The following DIAPH3 variants were observed in gnomAD, a reference collection of about 807,000 sequenced individuals.
The protein encoded by DIAPH3 is protein diaphanous homolog 3.
A neutral mutation model predicts 144.3 loss-of-function variants in DIAPH3; 117 were observed. That is an observed-to-expected ratio of 0.81 (90% confidence interval 0.70 to 0.95). DIAPH3 has a LOEUF of 0.95. Among genes scored for constraint, DIAPH3 ranks in the 40% least tolerant of loss-of-function variants. DIAPH3 has a pLI of 0.00. For missense variants in DIAPH3, 1,421 were observed against 1,412.7 expected (o/e 1.01, Z -0.09); for synonymous variants, 519 against 488.9 (o/e 1.06, Z -0.81).
In DIAPH3 at chr13:59,931,856, T is replaced by A. The variant is rs144366642; in HGVS notation, c.2075-6986A>T. ...GTTCAGTTACAGAAGCTCTTGTATA[T>A]CCACATTAGTCATGTACAAGAGGCA... On this transcript the variant is annotated intron_variant, in intron 17 of 27. Transcript: ENST00000400324. Among the ~76,000 whole-genome samples, 544 of 152,298 alleles carry A rather than the reference T, an allele frequency of 3.6e-3. 4 individuals carry two copies. Among genetic ancestry groups the A allele is most frequent in the African/African-American group, 0.013 (528 of 41,556 alleles).
chr13:59,804,837 G>C (rs1770991591), intron 25 of DIAPH3, among the ~76,000 whole-genome samples: 1 of 152,074 alleles, frequency 6.6e-6, no homozygotes, highest in Non-Finnish European at 1.5e-5. Context: ...TAGAAGACAG[G>C]GTAATTGTTA....
chr13:59,962,731 C>T (rs1474468900), intron 17 of DIAPH3, among the ~76,000 whole-genome samples: 1 of 152,008 alleles, frequency 6.6e-6, no homozygotes. Context: ...AACACATTTA[C>T]ACTCCAGCAT....
At chr13:59,894,155 G>C (rs1171305194) in intron 20 of DIAPH3, among the ~76,000 whole-genome samples, 1 of 151,976 alleles carries the variant, frequency 6.6e-6, no homozygotes, top group African/African-American at 2.4e-5. Context: ...CTGCCCTTCA[G>C]TAATAAAGTA....
chr13:59,825,000 C>T (rs1231882541), intron 24 of DIAPH3, among the ~76,000 whole-genome samples: 2 of 150,602 alleles, frequency 1.3e-5, no homozygotes, highest in Non-Finnish European at 2.9e-5. Flanking sequence ...ATAACAGCTA[C>T]ATATGTCTAA....
intron 21 of DIAPH3, among the ~76,000 whole-genome samples, chr13:59,866,471 T>C (rs1341799921): frequency 6.6e-6 from 1 of 152,004 alleles, no homozygotes; most frequent in Non-Finnish European, 1.5e-5. Context: ...AGAGCACTAA[T>C]GCAATGTAAA....
chr13:59,852,330 C>T (rs924357431), intron 22 of DIAPH3, among the ~76,000 whole-genome samples: 13 of 152,172 alleles, frequency 8.5e-5, no homozygotes, highest in Admixed American at 7.9e-4. Flanking sequence ...TATATCATTT[C>T]TCATAAAGTA....
intron 9 of DIAPH3, among the ~76,000 whole-genome samples, chr13:59,998,868 A>G (rs2052363366): frequency 6.6e-6 from 1 of 152,136 alleles, no homozygotes; most frequent in East Asian, 1.9e-4. Context: ...ATAGCTCAAC[A>G]ATGATCCTAA....
chr13:59,684,675 T>C (rs1051409970), intron 27 of DIAPH3, among the ~76,000 whole-genome samples: 11 of 152,188 alleles, frequency 7.2e-5, no homozygotes, highest in African/African-American at 2.4e-4. Context: ...TTACAGCAGA[T>C]AGATCAGTAA....
intron 2 of DIAPH3, among the ~76,000 whole-genome samples, chr13:60,120,999 C>G (rs1033208450): frequency 6.6e-6 from 1 of 151,996 alleles, no homozygotes; most frequent in African/African-American, 2.4e-5. Context: ...AAAATATATA[C>G]GAACTAAAGT....
Position 59,800,873 on chromosome 13 carries a change from G to A in DIAPH3, c.3163+9915C>T, listed in dbSNP as rs938388642. On this transcript the variant is annotated intron_variant, in intron 25 of 27. Transcript: ENST00000400324. The stretch of plus-strand genomic sequence containing the variant: ...TCACAGCAAAATGGTAAAATAATCT[G>A]TTAAAATAGTTAATACATTTATTTT... Among the ~76,000 whole-genome samples the A allele has an allele frequency of 3.9e-5, 6 of 152,114 alleles. No individual in the cohort carries two copies. The South Asian group carries it at 8.3e-4, about 21-fold the overall frequency.
At chr13:59,733,415 T>C (rs951070272) in intron 27 of DIAPH3, among the ~76,000 whole-genome samples, 3 of 152,008 alleles carry the variant, frequency 2.0e-5, no homozygotes, top group African/African-American at 7.2e-5. Flanking sequence ...AAATGAAAGG[T>C]GCTATTGAAA....
At chr13:60,023,396 A>G (rs1367338675) in intron 5 of DIAPH3, among the ~76,000 whole-genome samples, 1 of 150,736 alleles carries the variant, frequency 6.6e-6, no homozygotes, top group African/African-American at 2.4e-5. Context: ...CAATTTGGGC[A>G]CTGCTTTCAA....
At chr13:59,955,366 G>C (rs1409572899) in intron 17 of DIAPH3, among the ~76,000 whole-genome samples, 1 of 152,026 alleles carries the variant, frequency 6.6e-6, no homozygotes, top group African/African-American at 2.4e-5. Flanking sequence ...ATAAAGGGCA[G>C]TTCCCCTGCA....
At chr13:60,076,016 TTCC>T (rs2057368313) in intron 4 of DIAPH3, among the ~76,000 whole-genome samples, 1 of 152,222 alleles carries the variant, frequency 6.6e-6, no homozygotes, top group African/African-American at 2.4e-5. Context: ...TGGGACAAAA[TTCC>T]TCCTAAGACA....
At position 60,122,930 on chromosome 13, in the gene DIAPH3, TTAA is replaced by T. The variant is rs1333947282; in HGVS notation, c.213+10024_213+10026del. ...AATTCTAATTGCATATATTTAAATA[TTAA>T]TAATATATACTTGAGAAGTAATATA... On this transcript the variant is annotated intron_variant, in intron 2 of 27. Coordinates refer to ENST00000400324, the MANE Select transcript of DIAPH3 (RefSeq NM_001042517.2). Among the ~76,000 whole-genome samples the T allele has an allele frequency of 7.2e-5, 11 of 152,212 alleles. No homozygotes were observed. The South Asian group carries it at 2.3e-3, about 32-fold the overall frequency.
intron 3 of DIAPH3, among the ~76,000 whole-genome samples, chr13:60,109,201 A>G (rs2058498844): frequency 1.3e-5 from 2 of 152,078 alleles, no homozygotes; most frequent in African/African-American, 4.8e-5. Flanking sequence ...GGAAAAGTGA[A>G]GTGTGTGTCA....
chr13:60,035,661 T>C (rs777357479), intron 5 of DIAPH3, among the ~76,000 whole-genome samples: 11 of 152,154 alleles, frequency 7.2e-5, no homozygotes, highest in Non-Finnish European at 8.8e-5. Context: ...CTACTTGTCA[T>C]AAACATTACA....
chr13:59,844,205 C>A (rs1054622501), intron 22 of DIAPH3, among the ~76,000 whole-genome samples: 1 of 151,634 alleles, frequency 6.6e-6, no homozygotes, highest in African/African-American at 2.4e-5. Flanking sequence ...ATAATTTTAG[C>A]CACATTTTTC....
intron 2 of DIAPH3, among the ~76,000 whole-genome samples, chr13:60,115,892 A>T (rs2058691663): frequency 6.6e-6 from 1 of 152,114 alleles, no homozygotes; most frequent in Admixed American, 6.5e-5. Context: ...AGTTCAAATC[A>T]ATGTTGTTCC....
Sources: gnomAD v4.1 joint callset for allele counts (sites outside exome capture counted in the v4.1 genomes callset) on GRCh38, gnomAD v4.1.1 for gene constraint, MANE v1.5 for transcripts, NCBI Gene and HGNC (gene_info 2026-07-23, HGNC 2026-07-21) for gene names.